CRTAC1: variants seen among roughly 807,000 people sequenced by gnomAD.
CRTAC1 encodes the protein acidic secreted protein in cartilage.
A neutral mutation model predicts 67.8 loss-of-function variants in CRTAC1; 37 were observed. That is an observed-to-expected ratio of 0.55 (90% CI 0.42 to 0.72). The LOEUF (loss-of-function observed/expected upper bound fraction) is 0.72, where lower values mean the gene tolerates loss of function less well. CRTAC1 is among the 30% of genes least tolerant of loss of function. The pLI is 0.00. For missense variants in CRTAC1, 780 were observed against 931.6 expected, an observed-to-expected ratio of 0.84 and a Z score of 2.12; for synonymous variants, 348 against 371.0, an observed-to-expected ratio of 0.94 and a Z score of 0.71.
chr10:97,964,683 G>A (rs2051586374), intron 2 of CRTAC1, among the ~76,000 whole-genome samples: 1 of 152,168 alleles, frequency 6.6e-6, no homozygotes, highest in East Asian at 1.9e-4. Context: ...GAATGTATTC[G>A]CCTGACCTTA....
rs139916450 is a variant in CRTAC1, at chr10:97,994,806, G to A, written c.224+16332C>T. On this transcript the variant is annotated intron_variant, in intron 2 of 14. Coordinates refer to ENST00000370597, the MANE Select transcript of CRTAC1 (RefSeq NM_018058.7). ...GCAGCCCCACAGGATCCTGTGATTG[G>A]AACAGTTCTCCAGAGGAGGAGTATT... is the stretch of plus-strand genomic sequence containing the variant. Among the ~76,000 whole-genome samples the A allele has an allele frequency of 2.0e-3, 301 of 152,318 alleles. 1 individual carries two copies. The highest frequency in any genetic ancestry group is 2.6e-3 in the Non-Finnish European group (180 of 68,018).
At chr10:98,022,162 C>A (rs1843137052) in intron 1 of CRTAC1, among the ~76,000 whole-genome samples, 1 of 151,924 alleles carries the variant, frequency 6.6e-6, no homozygotes, top group African/African-American at 2.4e-5. Context: ...TTGAGACCAG[C>A]CTGACCAACA....
At chr10:97,909,449 AT>A (rs1017397614) in intron 5 of CRTAC1, among the ~76,000 whole-genome samples, 3 of 152,176 alleles carry the variant, frequency 2.0e-5, no homozygotes, top group African/African-American at 7.2e-5. Flanking sequence ...CATTTGTAAA[AT>A]GGGGGAGAGT....
chr10:98,001,970 G>A (rs905046048), intron 2 of CRTAC1, among the ~76,000 whole-genome samples: 3 of 152,242 alleles, frequency 2.0e-5, no homozygotes, highest in Non-Finnish European at 4.4e-5. Context: ...CTGAGAGTGG[G>A]AGTTGCGTAT....
chr10:97,996,514 CA>C (rs1842573671), intron 2 of CRTAC1, among the ~76,000 whole-genome samples: 1 of 151,950 alleles, frequency 6.6e-6, no homozygotes, highest in African/African-American at 2.4e-5. Context: ...CAGAGAAATG[CA>C]AATCAAAACC....
chr10:97,997,451 C>CAA (rs746635057), intron 2 of CRTAC1, among the ~76,000 whole-genome samples: 192 of 47,226 alleles, frequency 4.1e-3, no homozygotes, highest in Middle Eastern at 0.014. Context: ...GACTCTGTCT[C>CAA]AAAAAAAAAA....
intron 2 of CRTAC1, among the ~76,000 whole-genome samples, chr10:98,007,900 G>A (rs1842824123): frequency 6.6e-6 from 1 of 152,200 alleles, no homozygotes; most frequent in Non-Finnish European, 1.5e-5. Context: ...TGAAGAGGAA[G>A]ACGAAATGAA....
At chr10:97,887,971 G>A (rs920640301) in intron 11 of CRTAC1, among the ~76,000 whole-genome samples, 2 of 152,266 alleles carry the variant, frequency 1.3e-5, no homozygotes, top group Non-Finnish European at 1.5e-5. Flanking sequence ...ATCTCCACGA[G>A]GAAGGTGCCA....
chr10:97,931,558 A>G (rs542374424), intron 3 of CRTAC1, among the ~76,000 whole-genome samples: 24 of 152,372 alleles, frequency 1.6e-4, no homozygotes, highest in African/African-American at 5.5e-4. Context: ...ATGCATTGTT[A>G]AATGAAAAGA....
At chr10:97,937,578 A>C (rs1303028202) in intron 2 of CRTAC1, among the ~76,000 whole-genome samples, 1 of 152,218 alleles carries the variant, frequency 6.6e-6, no homozygotes, top group Non-Finnish European at 1.5e-5. Context: ...ATAGGTGCTC[A>C]ATAAATATTT....
intron 2 of CRTAC1, among the ~76,000 whole-genome samples, chr10:98,003,594 C>T (rs1341322847): frequency 1.3e-5 from 2 of 152,210 alleles, no homozygotes; most frequent in Non-Finnish European, 2.9e-5. Flanking sequence ...CTTTTGATTA[C>T]ATTGGGCCTA....
intron 6 of CRTAC1, 87 bp from the exon 7 acceptor site, chr10:97,904,901 CT>C (rs1474838773): frequency 2.1e-6 from 3 of 1,409,020 alleles, no homozygotes; most frequent in Non-Finnish European, 2.8e-6. Context: ...TGACAAGCAA[CT>C]AGGGAGGGTG....
rs1231418960 is a variant in CRTAC1, at chr10:97,895,076, C to T, written c.1486+169G>A. Among the ~76,000 whole-genome samples the T allele has an allele frequency of 6.6e-6, 1 of 152,148 alleles. No individual in the cohort carries two copies. The highest frequency in any genetic ancestry group is 1.5e-5 in the Non-Finnish European group (1 of 68,026). On this transcript the variant is annotated intron_variant, in intron 11 of 14. Coordinates refer to ENST00000370597, the MANE Select transcript of CRTAC1 (RefSeq NM_018058.7). This position sits in a 1 kb window ranked among gnomAD's most constrained non-coding sequence, Gnocchi z 4.2. ...TCTAACCAGCACTTCCCACTCGCCT[C>T]TTCTTGAGCTCAGGCTCATCTCAGA...
intron 2 of CRTAC1, among the ~76,000 whole-genome samples, chr10:98,005,938 A>G (rs560100): frequency 0.35 from 52,725 of 152,106 alleles, 9,846 homozygotes; most frequent in African/African-American, 0.48. Context: ...TTTACAGTAT[A>G]TAGCATCCCT....
At chr10:97,901,416 C>T (rs1349291265) in intron 8 of CRTAC1, 87 bp downstream of exon 8, 1 of 1,553,572 alleles carries the variant, frequency 6.4e-7, no homozygotes, top group South Asian at 1.2e-5. Flanking sequence ...GGGAACCCTC[C>T]CCTTCTGATT....
intron 2 of CRTAC1, among the ~76,000 whole-genome samples, chr10:97,938,237 T>G (rs1590223125): frequency 6.6e-6 from 1 of 152,226 alleles, no homozygotes; most frequent in Non-Finnish European, 1.5e-5. Flanking sequence ...GAGAGACAGG[T>G]ACTTGGGTTC....
intron 5 of CRTAC1, among the ~76,000 whole-genome samples, chr10:97,911,660 A>G (rs567716266): frequency 6.6e-6 from 1 of 152,348 alleles, no homozygotes; most frequent in South Asian, 2.1e-4. Context: ...CAGGTCGACA[A>G]GCAAATCTTC....
At chr10:97,952,938 G>C (rs1590234545) in intron 2 of CRTAC1, among the ~76,000 whole-genome samples, 1 of 152,148 alleles carries the variant, frequency 6.6e-6, no homozygotes, top group Admixed American at 6.5e-5. Flanking sequence ...CCTGAGGATG[G>C]AGAATAACCA....
intron 2 of CRTAC1, among the ~76,000 whole-genome samples, chr10:98,010,041 CTTT>C (rs568415966): frequency 4.4e-5 from 6 of 137,628 alleles, no homozygotes; most frequent in African/African-American, 2.7e-5. Flanking sequence ...AATGCACAAT[CTTT>C]TTTTTTTTTT....
Sources: gnomAD v4.1 joint callset for allele counts (sites outside exome capture counted in the v4.1 genomes callset) on GRCh38, gnomAD v4.1.1 for gene constraint, Gnocchi (gnomAD v3.1) non-coding constraint, MANE v1.5 for transcripts, NCBI Gene and HGNC (gene_info 2026-07-23, HGNC 2026-07-21) for gene names.